THSD7B: variants seen among roughly 807,000 people sequenced by gnomAD.
The protein encoded by THSD7B is thrombospondin type-1 domain-containing protein 7B.
In THSD7B, 138 loss-of-function variants were observed where a neutral mutation model predicts 213.6. The ratio of observed to expected loss-of-function variants is 0.65; its 90% CI spans 0.56 to 0.74. The LOEUF is 0.74. Ranked by LOEUF, THSD7B falls within the 30% of genes least tolerant of loss-of-function variation. The pLI, the probability that THSD7B is intolerant of heterozygous loss-of-function variation, is 0.00. For synonymous variants in THSD7B, 742 were observed against 687.0 expected, an observed-to-expected ratio of 1.08 and a Z score of -1.25; for missense variants, 1,931 against 1,991.5, an observed-to-expected ratio of 0.97 and a Z score of 0.58.
chr2:136,953,836 C>G (rs1558865600), intron 2 of THSD7B, among the ~76,000 whole-genome samples: 2 of 152,182 alleles, frequency 1.3e-5, no homozygotes, highest in African/African-American at 2.4e-5. Flanking sequence ...TTACTGTGCT[C>G]TTTCCTGTCG....
At chr2:137,023,015 C>G (rs1483259899) in intron 2 of THSD7B, among the ~76,000 whole-genome samples, 1 of 152,128 alleles carries the variant, frequency 6.6e-6, no homozygotes, top group Middle Eastern at 3.2e-3. Context: ...AACAAACACA[C>G]AAGAAGACAG....
chr2:136,933,663 G>A (rs1455877454), intron 2 of THSD7B, among the ~76,000 whole-genome samples: 1 of 148,332 alleles, frequency 6.7e-6, no homozygotes, highest in African/African-American at 2.4e-5. Context: ...GATTTTAATT[G>A]CATCGCTATC....
intron 20 of THSD7B, among the ~76,000 whole-genome samples, chr2:137,630,847 C>A (rs1307580852): frequency 6.6e-6 from 1 of 152,170 alleles, no homozygotes; most frequent in Non-Finnish European, 1.5e-5. Context: ...TGCGAGTTAC[C>A]TGGGAGTCAA....
chr2:137,119,740 ATCT>A (rs1389778046), intron 5 of THSD7B, among the ~76,000 whole-genome samples: 1 of 152,162 alleles, frequency 6.6e-6, no homozygotes, highest in Non-Finnish European at 1.5e-5. Context: ...CAGAAAGGAA[ATCT>A]TCTATTGACT....
intron 20 of THSD7B, among the ~76,000 whole-genome samples, chr2:137,639,922 T>C (rs7562112): frequency 0.36 from 55,269 of 152,044 alleles, 10,452 homozygotes; most frequent in South Asian, 0.49. Context: ...GGCTCATAAG[T>C]AGAAGGGACT....
chr2:137,135,403 CAT>C (rs1412554969), intron 5 of THSD7B, among the ~76,000 whole-genome samples: 1 of 152,154 alleles, frequency 6.6e-6, no homozygotes, highest in African/African-American at 2.4e-5. Context: ...GTCCTTAAAA[CAT>C]GTACTCATTG....
chr2:137,101,096 C>A (rs781434239), intron 4 of THSD7B, among the ~76,000 whole-genome samples: 1 of 152,154 alleles, frequency 6.6e-6, no homozygotes. Context: ...AATGGAGTGG[C>A]GTGATCTCAG....
intron 2 of THSD7B, among the ~76,000 whole-genome samples, chr2:137,022,232 T>C (rs1251469718): frequency 6.6e-6 from 1 of 152,228 alleles, no homozygotes; most frequent in East Asian, 1.9e-4. Flanking sequence ...CATTGTATGA[T>C]AGCTGCATGT....
intron 1 of THSD7B, among the ~76,000 whole-genome samples, chr2:136,874,720 A>G (rs1683496940): frequency 6.6e-6 from 1 of 152,166 alleles, no homozygotes; most frequent in African/African-American, 2.4e-5. Context: ...GGCTAAAAGG[A>G]GAAACTGTGT....
At chr2:136,854,233 CACTT>C (rs1455400274) in intron 1 of THSD7B, among the ~76,000 whole-genome samples, 1 of 152,252 alleles carries the variant, frequency 6.6e-6, no homozygotes, top group Non-Finnish European at 1.5e-5. Flanking sequence ...CTCTCACACA[CACTT>C]ACATATGTGC....
At chr2:137,130,558 GT>G (rs1688710445) in intron 5 of THSD7B, among the ~76,000 whole-genome samples, 1 of 126,882 alleles carries the variant, frequency 7.9e-6, no homozygotes, top group Non-Finnish European at 1.6e-5. Flanking sequence ...TCCCCAGAGT[GT>G]GATGTTCCCC....
intron 15 of THSD7B, among the ~76,000 whole-genome samples, chr2:137,544,776 G>A (rs1200119309): frequency 6.6e-6 from 1 of 151,390 alleles, no homozygotes; most frequent in Non-Finnish European, 1.5e-5. Context: ...TTCAATGTAG[G>A]GCACTTTATA....
At position 136,989,665 on chromosome 2, in the gene THSD7B, T is replaced by C. The variant is rs550887259; in HGVS notation, c.140-66755T>C. Among the ~76,000 whole-genome samples, 7 of 152,252 alleles carry C rather than the reference T, an allele frequency of 4.6e-5. No homozygotes were observed. In the East Asian group the frequency reaches 1.3e-3, roughly 29 times the overall value. On this transcript the variant is annotated intron_variant, in intron 2 of 27. Transcript: ENST00000409968. ...GTATGTTCCAAAGACTAAAGCACTGTTGGTGGGGCTGTACTTCAGGAAGAG... is the reference window on the plus strand; with the variant it reads ...GTATGTTCCAAAGACTAAAGCACTGCTGGTGGGGCTGTACTTCAGGAAGAG...
chr2:137,425,653 T>C (rs1057507298), intron 14 of THSD7B, among the ~76,000 whole-genome samples: 3 of 152,182 alleles, frequency 2.0e-5, no homozygotes, highest in Non-Finnish European at 4.4e-5. Flanking sequence ...TAGAATACCC[T>C]GTGGATTCCG....
chr2:137,152,095 T>C (rs1324203458), intron 5 of THSD7B, among the ~76,000 whole-genome samples: 1 of 151,900 alleles, frequency 6.6e-6, no homozygotes, highest in African/African-American at 2.4e-5. Context: ...TAAATGTTTT[T>C]AGGAATGGTC....
At chr2:137,423,627 A>G (rs1686976792) in intron 14 of THSD7B, among the ~76,000 whole-genome samples, 1 of 152,142 alleles carries the variant, frequency 6.6e-6, no homozygotes, top group African/African-American at 2.4e-5. Flanking sequence ...TATACGCTAT[A>G]AAACATTGTT....
chr2:137,066,861 T>C (rs886748439), intron 3 of THSD7B, among the ~76,000 whole-genome samples: 11 of 152,146 alleles, frequency 7.2e-5, no homozygotes, highest in Middle Eastern at 3.2e-3. Flanking sequence ...CTACCCATAG[T>C]TCTTGGATAG....
At chr2:136,925,612 A>G (rs1684510169) in intron 2 of THSD7B, among the ~76,000 whole-genome samples, 1 of 152,190 alleles carries the variant, frequency 6.6e-6, no homozygotes, top group Non-Finnish European at 1.5e-5. Flanking sequence ...ATATTCATTA[A>G]GGATATTGGT....
chr2:137,522,389 C>G (rs1573682992), intron 15 of THSD7B, among the ~76,000 whole-genome samples: 1 of 152,298 alleles, frequency 6.6e-6, no homozygotes, highest in East Asian at 1.9e-4. Flanking sequence ...GAATGATAAT[C>G]CAGAAATTCC....
Sources: allele counts gnomAD v4.1 joint callset (sites outside exome capture counted in the v4.1 genomes callset), GRCh38; gene constraint gnomAD v4.1.1; transcripts MANE v1.5; gene names NCBI Gene and HGNC (gene_info 2026-07-23, HGNC 2026-07-21).